The following SEMA5B variants were observed in gnomAD, a reference collection of about 807,000 sequenced individuals.
SEMA5B encodes the protein semaphorin-5B.
SEMA5B carries 66 observed loss-of-function variants against 135.0 expected under a neutral mutation model. That is an observed-to-expected ratio of 0.49 (90% CI 0.40 to 0.60). SEMA5B has a LOEUF of 0.60. Ranked by LOEUF, SEMA5B falls within the 20% of genes least tolerant of loss-of-function variation. SEMA5B has a pLI of 0.00. For synonymous variants in SEMA5B, 690 were observed against 639.5 expected, an observed-to-expected ratio of 1.08 and a Z score of -1.19; for missense variants, 1,501 against 1,566.3, an observed-to-expected ratio of 0.96 and a Z score of 0.70.
Position 122,927,769 on chromosome 3 carries a change from C to A in SEMA5B, c.850+21G>T, listed in dbSNP as rs571461664. The stretch of plus-strand genomic sequence containing the variant: ...CTCAAAACCAGGGGAGTCCCCACCC[C>A]TGGCACTGGGGCCTCCTTACCATTA... On this transcript the variant is annotated intron_variant, in intron 8 of 22. Coordinates refer to ENST00000357599, the MANE Select transcript of SEMA5B (RefSeq NM_001031702.4). 2.1e-6 allele frequency: 3 copies of A among 1,401,978 alleles called. No homozygotes were observed. In the Admixed American group the frequency reaches 8.3e-5, roughly 39 times the overall value. The allele number at this position is 1,401,978 out of a possible 1,614,324, so 86.8% of individuals were successfully genotyped here.
chr3:122,921,695 G>A (rs1013938829), intron 12 of SEMA5B, among the ~76,000 whole-genome samples: 6 of 152,216 alleles, frequency 3.9e-5, no homozygotes, highest in Non-Finnish European at 7.3e-5. Flanking sequence ...TCCAGGTACT[G>A]ATAAGTGCTT....
At chr3:122,947,928 A>G (rs80062308) in intron 3 of SEMA5B, among the ~76,000 whole-genome samples, 1,736 of 152,104 alleles carry the variant, frequency 0.011, 33 homozygotes, top group African/African-American at 0.039. Context: ...ATTAGAATGT[A>G]TATACTAATT....
intron 1 of SEMA5B, among the ~76,000 whole-genome samples, chr3:122,998,260 CTG>C (rs1942077023): frequency 6.6e-6 from 1 of 152,138 alleles, no homozygotes; most frequent in Non-Finnish European, 1.5e-5. Flanking sequence ...CCACTTCACT[CTG>C]GGGTCGCTCA....
chr3:122,951,522 G>C (rs1266329040), intron 2 of SEMA5B, among the ~76,000 whole-genome samples: 1 of 152,124 alleles, frequency 6.6e-6, no homozygotes, highest in Non-Finnish European at 1.5e-5. Flanking sequence ...CTAACTTGTC[G>C]CCTTCCACCT....
At chr3:122,963,736 T>C (rs925028902) in intron 1 of SEMA5B, among the ~76,000 whole-genome samples, 2 of 152,172 alleles carry the variant, frequency 1.3e-5, no homozygotes, top group African/African-American at 4.8e-5. Context: ...TCTGGAAATA[T>C]CACTTGGGCA....
Position 122,961,274 on chromosome 3 carries a change from C to T in SEMA5B, c.-11G>A. On this transcript the variant is annotated 5_prime_UTR_variant, in exon 2 of 23. The change creates a new upstream start codon in the 5' untranslated region. Transcript: ENST00000357599. ...GAAGCCACAGGGCATCCAAGAGACA[C>T]AGGCCAGGCACCAGCTGGAACCACT... 4 of 1,613,902 alleles carry T rather than the reference C, an allele frequency of 2.5e-6. No homozygotes were observed. The highest frequency in any genetic ancestry group is 2.5e-6 in the Non-Finnish European group (3 of 1,179,892).
At chr3:123,016,890 A>AT (rs59106085) in intron 1 of SEMA5B, among the ~76,000 whole-genome samples, 1,248 of 108,718 alleles carry the variant, frequency 0.011, 13 homozygotes, top group East Asian at 0.02. Flanking sequence ...CCTCAGGTGC[A>AT]TTTTTTTTTT....
At chr3:122,925,394 C>T (rs945159402) in intron 9 of SEMA5B, among the ~76,000 whole-genome samples, 4 of 152,016 alleles carry the variant, frequency 2.6e-5, no homozygotes, top group African/African-American at 7.2e-5. Context: ...GCCAGCTGGG[C>T]GTGGTGGCTC....
chr3:122,913,472 C>A, intron 16 of SEMA5B, 48 bp from the exon 17 acceptor site: 1 of 1,566,156 alleles, frequency 6.4e-7, no homozygotes, highest in South Asian at 1.2e-5. Context: ...GCCTCCAGGC[C>A]CGCCCTCCCC....
At chr3:122,979,764 A>G in intron 1 of SEMA5B, among the ~76,000 whole-genome samples, 1 of 152,194 alleles carries the variant, frequency 6.6e-6, no homozygotes, top group East Asian at 1.9e-4. Flanking sequence ...GCCCCCTTGC[A>G]ATAATGCCTG....
intron 9 of SEMA5B, among the ~76,000 whole-genome samples, chr3:122,924,606 T>C (rs756747370): frequency 6.6e-6 from 1 of 152,206 alleles, no homozygotes; most frequent in Non-Finnish European, 1.5e-5. Context: ...CAGTCTGCAA[T>C]GTCCTTTGGG....
chr3:122,922,405 C>G lies in SEMA5B; in HGVS notation c.1315G>C (p.Glu439Gln), dbSNP rs760832041. 1.9e-6 allele frequency: 3 copies of G among 1,610,794 alleles called. No individual in the cohort carries two copies. The highest frequency in any genetic ancestry group is 2.5e-6 in the Non-Finnish European group (3 of 1,178,844). Reference sequence around the variant, plus strand: ...CGCTGCGCGTCCTGCAGGCTGCGCTCCGTCAGGTTCTCGTTGGGACCGGTC... The same window carrying G: ...CGCTGCGCGTCCTGCAGGCTGCGCTGCGTCAGGTTCTCGTTGGGACCGGTC... Reference protein sequence around the residue: ...PETGPNENLTERSLQDAQRLF... With the variant: ...PETGPNENLTQRSLQDAQRLF... The change falls in exon 11 of 23, where the codon GAG becomes CAG. Residue 439 changes from glutamate (E) to glutamine (Q), a missense_variant. Glu to Gln is a conservative substitution (Grantham distance 29). This residue lies in a region of SEMA5B where 574 missense variants were observed against 684.7 expected (regional missense o/e 0.84). Transcript: ENST00000357599.
At position 122,927,948 on chromosome 3, in the gene SEMA5B, T is replaced by A. The variant is rs749839807; in HGVS notation, c.692A>T (p.Tyr231Phe). The change falls in exon 8 of 23, where the codon TAT (tyrosine) becomes TTT (phenylalanine). Residue 231 changes from tyrosine to phenylalanine, a missense_variant. Physicochemically the swap from Tyr to Phe is conservative, Grantham distance 22. Around this residue, in one of 2 missense-constraint regions of SEMA5B, gnomAD observed 574 missense variants for 684.7 expected, o/e 0.84. Coordinates refer to ENST00000357599, the MANE Select transcript of SEMA5B (RefSeq NM_001031702.4). ...AGCTGTGGAGTTGTGGCGTGGGTCATAGGGGCAGCGGGCCACACCATTGAT... is the reference window on the plus strand; with the variant it reads ...AGCTGTGGAGTTGTGGCGTGGGTCAAAGGGGCAGCGGGCCACACCATTGAT... ...EKINGVARCP[Y>F]DPRHNSTAVI... 1 of 1,581,536 alleles carries A rather than the reference T, an allele frequency of 6.3e-7. No individual in the cohort carries two copies. The highest frequency in any genetic ancestry group is 8.6e-7 in the Non-Finnish European group (1 of 1,162,778).
chr3:123,018,689 C>A (rs1314426984), intron 1 of SEMA5B, among the ~76,000 whole-genome samples: 1 of 152,180 alleles, frequency 6.6e-6, no homozygotes, highest in African/African-American at 2.4e-5. Context: ...GGACCTCAAC[C>A]AAATCAGGTC....
Position 122,926,661 on chromosome 3 carries a change from T to C in SEMA5B, c.867A>G (p.Ala289=). 1.2e-6 allele frequency: 2 copies of C among 1,610,688 alleles called. No homozygotes were observed. Among genetic ancestry groups the C allele is most frequent in the Non-Finnish European group, 8.5e-7 (1 of 1,177,054 alleles). Residue 289 remains alanine (A), a synonymous_variant, in exon 9 of 23, where the codon GCA becomes GCG. Transcript: ENST00000357599. The part of the protein sequence containing the change: ...SKWLNEPNFV[A]AYDIGLFAYF... ...ATGCAAACAGCCCAATATCATAGGCTGCCACGAAGTTTGGCTCTGGGTGGG... is the reference window on the plus strand; with the variant it reads ...ATGCAAACAGCCCAATATCATAGGCCGCCACGAAGTTTGGCTCTGGGTGGG...
At chr3:122,940,662 G>C (rs1430227659) in intron 4 of SEMA5B, among the ~76,000 whole-genome samples, 3 of 152,224 alleles carry the variant, frequency 2.0e-5, no homozygotes, top group Non-Finnish European at 4.4e-5. Context: ...ATCCAGAGCC[G>C]GAAGGAGATG....
At chr3:122,949,802 C>T (rs933566235) in intron 2 of SEMA5B, among the ~76,000 whole-genome samples, 8 of 152,116 alleles carry the variant, frequency 5.3e-5, no homozygotes, top group African/African-American at 1.9e-4. Flanking sequence ...TGTGGCCCCC[C>T]GACCCAGGAA....
At chr3:123,016,800 T>G (rs1002016389) in intron 1 of SEMA5B, among the ~76,000 whole-genome samples, 2 of 151,904 alleles carry the variant, frequency 1.3e-5, no homozygotes, top group Non-Finnish European at 2.9e-5. Context: ...CTGGCTAGTC[T>G]CATAATCCTG....
At chr3:122,947,131 G>T (rs1939823380) in intron 3 of SEMA5B, among the ~76,000 whole-genome samples, 1 of 152,118 alleles carries the variant, frequency 6.6e-6, no homozygotes, top group African/African-American at 2.4e-5. Context: ...CCCAGTGTGA[G>T]GAGGCTAGCC....
Sources: gnomAD v4.1 joint callset for allele counts (sites outside exome capture counted in the v4.1 genomes callset) on GRCh38, gnomAD v4.1.1 for gene constraint, gnomAD v4.1.1 regional missense constraint, MANE v1.5 for transcripts, NCBI Gene and HGNC (gene_info 2026-07-23, HGNC 2026-07-21) for gene names.